The following KIAA1671 variants were observed in gnomAD, a reference collection of about 807,000 sequenced individuals.
The protein encoded by KIAA1671 is KIAA1671, also known as uncharacterized protein KIAA1671.
A neutral mutation model predicts 131.2 loss-of-function variants in KIAA1671; 52 were observed. The ratio of observed to expected loss-of-function variants is 0.40; its 90% CI spans 0.32 to 0.50. The LOEUF (loss-of-function observed/expected upper bound fraction) is 0.50. KIAA1671 is among the 20% of genes least tolerant of loss of function. The pLI, the probability that KIAA1671 is intolerant of heterozygous loss-of-function variation, is 0.73. For synonymous variants in KIAA1671, 1,003 were observed against 961.6 expected (o/e 1.04, Z -0.80); for missense variants, 2,360 against 2,364.2 (o/e 1.00, Z 0.04).
At position 25,090,740 on chromosome 22, in the gene KIAA1671, T is replaced by A. The variant is rs192332718; in HGVS notation, c.4530+41376T>A. Among the ~76,000 whole-genome samples the A allele has an allele frequency of 1.6e-3, 245 of 152,358 alleles. 5 individuals carry two copies. In the South Asian group the frequency reaches 0.033, roughly 20 times the overall value. On this transcript the variant is annotated intron_variant, in intron 6 of 12. Coordinates refer to ENST00000358431, the MANE Select transcript of KIAA1671 (RefSeq NM_001145206.2). Reference sequence around the variant, plus strand: ...TCATCAAGCAATATTGTTATCATCATTTTATCACAGGCTCAGACATGTGTA... The same window carrying A: ...TCATCAAGCAATATTGTTATCATCAATTTATCACAGGCTCAGACATGTGTA...
chr22:25,134,731 G>C lies in KIAA1671; in HGVS notation c.4531-36089G>C, dbSNP rs181192823. On this transcript the variant is annotated intron_variant, in intron 6 of 12. Coordinates refer to ENST00000358431, the MANE Select transcript of KIAA1671 (RefSeq NM_001145206.2). ...CTCTGCAGCTTTGCAAAGCTGGGAG[G>C]CCTAGTGGTTTCAAGGCTTGGATTG... Among the ~76,000 whole-genome samples, 14 of 152,270 alleles carry C rather than the reference G, an allele frequency of 9.2e-5. No homozygotes were observed. The East Asian group carries it at 1.9e-3, about 21-fold the overall frequency.
rs1934815939 is a variant in KIAA1671 at position 25,196,040 on chromosome 22, C to T, written c.*3639C>T. On this transcript the variant is annotated 3_prime_UTR_variant, in exon 13 of 13. Transcript: ENST00000358431. ...GTGCTAAGAGGCTGCTAGGACTCAC[C>T]CAGTTGGAATTCTGGGTGGGCTCAG... The T allele has an allele frequency of 6.6e-6, 1 of 152,034 alleles. No individual in the cohort carries two copies. The highest frequency in any genetic ancestry group is 6.6e-5 in the Admixed American group (1 of 15,250). The allele number at this position is 152,034 out of a possible 1,614,324, so 9.4% of individuals were successfully genotyped here.
intron 1 of KIAA1671, chr22:25,012,755 T>G (rs1925105418): frequency 6.6e-6 from 1 of 152,194 alleles, no homozygotes; most frequent in East Asian, 1.9e-4. Flanking sequence ...TGTATTCCTC[T>G]GTTAAATTGG....
intron 1 of KIAA1671, among the ~76,000 whole-genome samples, chr22:24,964,260 C>T (rs913488707): frequency 3.3e-5 from 5 of 151,904 alleles, no homozygotes; most frequent in Non-Finnish European, 7.4e-5. Flanking sequence ...ACCTGGGAGG[C>T]AGAGGTTGCA....
At chr22:25,075,023 G>A (rs148209230) in intron 6 of KIAA1671, among the ~76,000 whole-genome samples, 84 of 152,232 alleles carry the variant, frequency 5.5e-4, no homozygotes, top group Admixed American at 2.1e-3. Flanking sequence ...TATACCCTTC[G>A]CCCGGTTCCC....
intron 1 of KIAA1671, among the ~76,000 whole-genome samples, chr22:24,965,731 A>C (rs1323909221): frequency 2.1e-5 from 3 of 144,800 alleles, no homozygotes; most frequent in African/African-American, 7.7e-5. Flanking sequence ...CAAGAGTGAA[A>C]CTCCATCTCA....
intron 1 of KIAA1671, among the ~76,000 whole-genome samples, chr22:24,988,661 G>A (rs951303824): frequency 3.3e-5 from 5 of 150,568 alleles, no homozygotes; most frequent in Admixed American, 6.7e-5. Flanking sequence ...TCTTGAACCT[G>A]GGAAGTGAAG....
intron 6 of KIAA1671, among the ~76,000 whole-genome samples, chr22:25,148,808 G>A (rs1004252447): frequency 2.0e-5 from 3 of 152,184 alleles, no homozygotes; most frequent in African/African-American, 7.2e-5. Flanking sequence ...TCCCGTAAGT[G>A]CTCTGGTCTA....
Position 25,196,466 on chromosome 22 carries a change from G to T in KIAA1671, c.*4065G>T, listed in dbSNP as rs1256567965. Reference sequence around the variant, plus strand: ...TTTTCTTTTCTTGAGACACGGTCTTGCTCTGTTGGCCAGGCTGGAATGCAG... The same window carrying T: ...TTTTCTTTTCTTGAGACACGGTCTTTCTCTGTTGGCCAGGCTGGAATGCAG... On this transcript the variant is annotated 3_prime_UTR_variant, in exon 13 of 13. Transcript: ENST00000358431. 2.0e-5 allele frequency: 3 copies of T among 150,748 alleles called. No individual in the cohort carries two copies. The highest frequency in any genetic ancestry group is 4.9e-5 in the African/African-American group (2 of 40,884). 9.3% of individuals were successfully genotyped at this position (150,748 alleles called of 1,614,324 possible).
intron 1 of KIAA1671, chr22:25,014,732 G>T (rs1476977976): frequency 2.6e-5 from 4 of 152,126 alleles, no homozygotes; most frequent in African/African-American, 7.2e-5. Flanking sequence ...AAACACTTTT[G>T]TTTGTGTGTA....
intron 6 of KIAA1671, among the ~76,000 whole-genome samples, chr22:25,115,503 T>A (rs5752063): frequency 6.6e-6 from 1 of 151,846 alleles, no homozygotes; most frequent in Non-Finnish European, 1.5e-5. Context: ...TGGTGGGTGG[T>A]TCAATGGGAC....
intron 10 of KIAA1671, among the ~76,000 whole-genome samples, chr22:25,182,757 G>GT (rs1399172564): frequency 6.6e-6 from 1 of 152,164 alleles, no homozygotes; most frequent in Non-Finnish European, 1.5e-5. Context: ...AATCCAACTG[G>GT]TGACGCTCAC....
At chr22:25,016,905 G>T (rs2123884420) in intron 1 of KIAA1671, among the ~76,000 whole-genome samples, 1 of 152,344 alleles carries the variant, frequency 6.6e-6, no homozygotes, top group South Asian at 2.1e-4. Flanking sequence ...TACAGCAGCA[G>T]AGGTGCTGCC....
chr22:24,987,612 A>G (rs1017136119), intron 1 of KIAA1671, among the ~76,000 whole-genome samples: 11 of 152,182 alleles, frequency 7.2e-5, no homozygotes, highest in Non-Finnish European at 2.9e-5. Context: ...CTGAGACTAC[A>G]GGCACATGCC....
intron 6 of KIAA1671, among the ~76,000 whole-genome samples, chr22:25,101,450 TTCTG>T (rs769540421): frequency 3.3e-5 from 5 of 152,144 alleles, no homozygotes; most frequent in African/African-American, 9.7e-5. Context: ...GGTGATGAGT[TTCTG>T]TCTGTTTCTA....
chr22:25,101,031 T>G (rs1211254879), intron 6 of KIAA1671, among the ~76,000 whole-genome samples: 1 of 152,244 alleles, frequency 6.6e-6, no homozygotes, highest in African/African-American at 2.4e-5. Context: ...TTATCCCATT[T>G]CTCATTTGTT....
intron 1 of KIAA1671, among the ~76,000 whole-genome samples, chr22:24,996,549 TTC>T (rs1459804578): frequency 1.3e-5 from 2 of 151,930 alleles, no homozygotes; most frequent in African/African-American, 2.4e-5. Context: ...GAGATAGGAA[TTC>T]TGTGAAAGTG....
chr22:25,004,547 T>A (rs1234414908), intron 1 of KIAA1671, among the ~76,000 whole-genome samples: 1 of 152,204 alleles, frequency 6.6e-6, no homozygotes, highest in Non-Finnish European at 1.5e-5. Context: ...CCCATCCTTG[T>A]CCCTCCATCT....
At chr22:25,089,157 C>A (rs1477699355) in intron 6 of KIAA1671, among the ~76,000 whole-genome samples, 2 of 151,728 alleles carry the variant, frequency 1.3e-5, no homozygotes, top group Non-Finnish European at 2.9e-5. Context: ...CATGCAAATA[C>A]TACCCAATTT....
Sources: gnomAD v4.1 joint callset for allele counts (sites outside exome capture counted in the v4.1 genomes callset) on GRCh38, gnomAD v4.1.1 for gene constraint, MANE v1.5 for transcripts, NCBI Gene and HGNC (gene_info 2026-07-23, HGNC 2026-07-21) for gene names.